Variants in PAX5 observed in about 807,000 individuals in gnomAD.
PAX5 encodes paired box 5.
In PAX5, 9 loss-of-function variants were observed where a neutral mutation model predicts 43.7. That is an observed-to-expected ratio of 0.21 (90% CI 0.12 to 0.36). PAX5 has a LOEUF of 0.36. PAX5 is among the 10% of genes least tolerant of loss of function. PAX5 has a pLI of 1.00. For missense variants in PAX5, 383 were observed against 532.7 expected (o/e 0.72, Z 2.77); for synonymous variants, 228 against 214.3 (o/e 1.06, Z -0.56).
intron 2 of PAX5, among the ~76,000 whole-genome samples, chr9:37,017,131 T>C (rs944063): frequency 0.89 from 135,062 of 152,234 alleles, 61,530 homozygotes; most frequent in Non-Finnish European, 1. Context: ...ATCTCTGCAG[T>C]CTCCAATTGT....
chr9:37,009,921 C>T (rs953442014), intron 3 of PAX5, among the ~76,000 whole-genome samples: 1 of 152,162 alleles, frequency 6.6e-6, no homozygotes, highest in Non-Finnish European at 1.5e-5. Flanking sequence ...TTTAAGAATG[C>T]ATCAGGGTTG....
At chr9:37,020,501 C>A in intron 2 of PAX5, 135 bp downstream of exon 2, 1 of 919,676 alleles carries the variant, frequency 1.1e-6, no homozygotes, top group South Asian at 1.6e-5. Context: ...GCTTTGCAGA[C>A]TTTAAAGTGC....
chr9:37,006,627 T>C (rs1838413411), intron 3 of PAX5, 90 bp from the exon 4 acceptor site: 2 of 1,015,888 alleles, frequency 2.0e-6, no homozygotes, highest in South Asian at 1.3e-5. Context: ...AGAAAACTCA[T>C]ACCCAAGCTG....
At chr9:37,024,522 T>TG (rs1376426125) in intron 1 of PAX5, among the ~76,000 whole-genome samples, 1 of 152,168 alleles carries the variant, frequency 6.6e-6, no homozygotes, top group East Asian at 1.9e-4. Flanking sequence ...GCTAGCAAGT[T>TG]GGGGCCCCAG....
chr9:36,992,887 C>A (rs1164053966), intron 5 of PAX5, among the ~76,000 whole-genome samples: 1 of 152,254 alleles, frequency 6.6e-6, no homozygotes, highest in Non-Finnish European at 1.5e-5. Context: ...CCCCAAGATA[C>A]TTTCAGGTGA....
Position 37,020,737 on chromosome 9 carries a change from G to T in PAX5, c.111C>A (p.Val37=). The change falls in exon 2 of 10, where the codon GTC becomes GTA. Residue 37 remains valine, a synonymous_variant. Coordinates refer to ENST00000358127, the MANE Select transcript of PAX5 (RefSeq NM_016734.3). ...GAGCAAGTTCCACTATCCTCTGGCG[G>T]ACTACATCCGGGAGTGGCCGTCCAT... ...FVNGRPLPDV[V]RQRIVELAHQ... is the part of the protein sequence containing the mutation. The T allele has an allele frequency of 6.2e-7, 1 of 1,614,154 alleles. No individual in the cohort carries two copies. The highest frequency in any genetic ancestry group is 8.5e-7 in the Non-Finnish European group (1 of 1,180,026).
chr9:37,015,845 G>T lies in PAX5; in HGVS notation c.213-651C>A, dbSNP rs930501493. 9.9e-5 allele frequency among the ~76,000 whole-genome samples: 15 copies of T among 152,172 alleles called. No individual in the cohort carries two copies. Among genetic ancestry groups the T allele is most frequent in the African/African-American group, 3.4e-4 (14 of 41,454 alleles). On this transcript the variant is annotated intron_variant, in intron 2 of 9. Coordinates refer to ENST00000358127, the MANE Select transcript of PAX5 (RefSeq NM_016734.3). This position sits in a 1 kb window ranked among gnomAD's most constrained non-coding sequence, Gnocchi z 4.4. ...TCCGCCTGCCTCGGCCTCCCAAAGTGCTGGGATTACAGGCATGAGCCACCA... is the reference window on the plus strand; with the variant it reads ...TCCGCCTGCCTCGGCCTCCCAAAGTTCTGGGATTACAGGCATGAGCCACCA...
intron 2 of PAX5, among the ~76,000 whole-genome samples, chr9:37,017,860 C>T (rs1327600106): frequency 6.6e-6 from 1 of 152,238 alleles, no homozygotes; most frequent in African/African-American, 2.4e-5. Flanking sequence ...CTCCGAAAAC[C>T]CCAACTCGAA....
At chr9:37,009,166 A>G (rs1263873010) in intron 3 of PAX5, among the ~76,000 whole-genome samples, 3 of 152,266 alleles carry the variant, frequency 2.0e-5, no homozygotes, top group African/African-American at 7.2e-5. Context: ...ATAGTTATAA[A>G]TATCACTGGG....
intron 1 of PAX5, among the ~76,000 whole-genome samples, chr9:37,026,370 C>G (rs1840370216): frequency 6.6e-6 from 1 of 152,250 alleles, no homozygotes; most frequent in Non-Finnish European, 1.5e-5. Flanking sequence ...CGGCCAAGTG[C>G]GTTGTTTCAG....
intron 6 of PAX5, among the ~76,000 whole-genome samples, chr9:36,952,015 C>T (rs1166055310): frequency 2.6e-5 from 4 of 152,098 alleles, no homozygotes; most frequent in Non-Finnish European, 5.9e-5. Flanking sequence ...ATTATTATTG[C>T]CTTTTTTCCT....
At chr9:36,871,841 C>T (rs961327545) in intron 8 of PAX5, among the ~76,000 whole-genome samples, 3 of 152,184 alleles carry the variant, frequency 2.0e-5, no homozygotes, top group Non-Finnish European at 4.4e-5. Context: ...TGCACACTTC[C>T]CAGGCGGGCC....
chr9:36,927,091 G>A (rs1444172323), intron 6 of PAX5, among the ~76,000 whole-genome samples: 19 of 152,182 alleles, frequency 1.2e-4, no homozygotes. Flanking sequence ...AAGCGTAAAG[G>A]GGAAAGATGG....
rs963213063 is a variant in PAX5 at position 36,892,721 on chromosome 9, T to A, written c.911-10616A>T. ...TCATGGGAAGGAAGGAAGGCAGCAA[T>A]CCTTATTGCTGGGATAAATAAATTA... On this transcript the variant is annotated intron_variant, in intron 7 of 9. Transcript: ENST00000358127. 9.2e-5 allele frequency among the ~76,000 whole-genome samples: 14 copies of A among 152,210 alleles called. 1 individual carries two copies. Among genetic ancestry groups the A allele is most frequent in the Admixed American group, 4.6e-4 (7 of 15,282 alleles).
chr9:36,860,813 A>AT (rs1172821448), intron 8 of PAX5: 1 of 152,164 alleles, frequency 6.6e-6, no homozygotes, highest in Non-Finnish European at 1.5e-5. Context: ...AGCCGCCACC[A>AT]TGACTCAGTG....
At chr9:36,970,312 G>A (rs1298528154) in intron 5 of PAX5, among the ~76,000 whole-genome samples, 2 of 152,158 alleles carry the variant, frequency 1.3e-5, no homozygotes, top group African/African-American at 2.4e-5. Flanking sequence ...GTGCCAGACT[G>A]AGGAGATGCT....
chr9:36,949,340 G>A (rs961774607), intron 6 of PAX5, among the ~76,000 whole-genome samples: 24 of 152,136 alleles, frequency 1.6e-4, no homozygotes, highest in Non-Finnish European at 3.1e-4. Flanking sequence ...GATTACAGGC[G>A]TGAGCCACCG....
At chr9:36,846,662 TGGA>T (rs763203790) in intron 9 of PAX5, among the ~76,000 whole-genome samples, 178 bp downstream of exon 9, 12 of 152,354 alleles carry the variant, frequency 7.9e-5, no homozygotes, top group Non-Finnish European at 1.8e-4. Flanking sequence ...TGAGCAGGGC[TGGA>T]GCACTATTTA....
chr9:37,012,951 A>G (rs1839073799), intron 3 of PAX5, among the ~76,000 whole-genome samples: 1 of 152,124 alleles, frequency 6.6e-6, no homozygotes, highest in Non-Finnish European at 1.5e-5. Context: ...GCCTCTGTTA[A>G]AAAAATATAT....
Sources: allele counts gnomAD v4.1 joint callset (sites outside exome capture counted in the v4.1 genomes callset), GRCh38; gene constraint gnomAD v4.1.1; non-coding constraint Gnocchi (gnomAD v3.1); transcripts MANE v1.5; gene names NCBI Gene and HGNC (gene_info 2026-07-23, HGNC 2026-07-21).